Variants in HTR1F observed in about 807,000 individuals in gnomAD.
HTR1F encodes 5-hydroxytryptamine receptor 1F.
In HTR1F, 17 loss-of-function variants were observed where a neutral mutation model predicts 24.0. That is an observed-to-expected ratio of 0.71 (90% confidence interval 0.48 to 1.06). The LOEUF (loss-of-function observed/expected upper bound fraction) is 1.06, where lower values mean the gene tolerates loss of function less well. HTR1F is among the 50% of genes least tolerant of loss of function. The pLI is 0.00. For synonymous variants in HTR1F, 186 were observed against 156.8 expected (o/e 1.19, Z -1.39); for missense variants, 391 against 427.8 (o/e 0.91, Z 0.76).
intron 2 of HTR1F, among the ~76,000 whole-genome samples, chr3:87,955,697 C>A (rs1704928466): frequency 6.6e-6 from 1 of 151,364 alleles, no homozygotes. Flanking sequence ...CATATTTCCA[C>A]CAATGTAGGT....
chr3:87,902,789 C>G (rs1383305482), intron 2 of HTR1F, among the ~76,000 whole-genome samples: 1 of 141,562 alleles, frequency 7.1e-6, no homozygotes, highest in Non-Finnish European at 1.5e-5. Context: ...TGATGCTCCC[C>G]TTCCTGTGTC....
chr3:87,792,891 A>G (rs1703839034), intron 1 of HTR1F, among the ~76,000 whole-genome samples, 49 bp downstream of exon 1: 1 of 152,140 alleles, frequency 6.6e-6, no homozygotes, highest in African/African-American at 2.4e-5. Flanking sequence ...TCACGCCCGC[A>G]GCTGGCGCGC....
At chr3:87,946,058 C>A in intron 2 of HTR1F, among the ~76,000 whole-genome samples, 1 of 152,128 alleles carries the variant, frequency 6.6e-6, no homozygotes, top group South Asian at 2.1e-4. Context: ...GGAAGAGAAC[C>A]GTGGAACCCA....
chr3:87,970,440 G>A (rs1224621830), intron 2 of HTR1F, among the ~76,000 whole-genome samples: 1 of 152,152 alleles, frequency 6.6e-6, no homozygotes, highest in East Asian at 1.9e-4. Flanking sequence ...AAATTGCTGA[G>A]GTAGAGGAAA....
intron 2 of HTR1F, among the ~76,000 whole-genome samples, chr3:87,937,261 C>G (rs1471552271): frequency 6.6e-6 from 1 of 151,820 alleles, no homozygotes; most frequent in Non-Finnish European, 1.5e-5. Context: ...TCCAGCAACA[C>G]ATTAAACACC....
chr3:87,964,570 T>C (rs1273362519), intron 2 of HTR1F, among the ~76,000 whole-genome samples: 2 of 152,030 alleles, frequency 1.3e-5, no homozygotes, highest in Admixed American at 6.6e-5. Context: ...CAGAGTGCTA[T>C]TGAGTAAATT....
At chr3:87,801,443 G>A (rs1703987638) in intron 1 of HTR1F, among the ~76,000 whole-genome samples, 1 of 152,204 alleles carries the variant, frequency 6.6e-6, no homozygotes. Context: ...CACAGACTCA[G>A]GAAGTCCTGA....
At chr3:87,882,504 A>G (rs1456640627) in intron 2 of HTR1F, among the ~76,000 whole-genome samples, 1 of 152,070 alleles carries the variant, frequency 6.6e-6, no homozygotes, top group Non-Finnish European at 1.5e-5. Flanking sequence ...TGGCACATAT[A>G]CACCATGGAA....
intron 2 of HTR1F, among the ~76,000 whole-genome samples, chr3:87,922,691 A>T (rs1332235090): frequency 6.6e-6 from 1 of 151,892 alleles, no homozygotes; most frequent in Non-Finnish European, 1.5e-5. Context: ...TTTTGAGTTA[A>T]TTTTTATATA....
intron 2 of HTR1F, among the ~76,000 whole-genome samples, chr3:87,860,375 C>G (rs1358213826): frequency 6.6e-6 from 1 of 152,172 alleles, no homozygotes; most frequent in Non-Finnish European, 1.5e-5. Context: ...GCATAACATA[C>G]ACTGGATTGT....
At chr3:87,934,554 C>T (rs558495797) in intron 2 of HTR1F, among the ~76,000 whole-genome samples, 5 of 152,264 alleles carry the variant, frequency 3.3e-5, no homozygotes, top group African/African-American at 1.2e-4. Flanking sequence ...TTCTAAGGTG[C>T]TATTTAGGGT....
chr3:87,965,960 T>C (rs1387824426), intron 2 of HTR1F, among the ~76,000 whole-genome samples: 4 of 152,216 alleles, frequency 2.6e-5, no homozygotes, highest in Non-Finnish European at 5.9e-5. Context: ...TTTAGGGACT[T>C]CATATTATGT....
intron 2 of HTR1F, among the ~76,000 whole-genome samples, chr3:87,858,523 T>C (rs1705248924): frequency 6.6e-6 from 1 of 152,186 alleles, no homozygotes; most frequent in Non-Finnish European, 1.5e-5. Context: ...ATGTCCAACA[T>C]GAACTCTTTC....
chr3:87,923,942 G>T (rs1219311929), intron 2 of HTR1F, among the ~76,000 whole-genome samples: 1 of 151,928 alleles, frequency 6.6e-6, no homozygotes, highest in Non-Finnish European at 1.5e-5. Context: ...GAGGATATTG[G>T]CCTTTAGTTT....
intron 2 of HTR1F, among the ~76,000 whole-genome samples, chr3:87,977,239 T>C (rs1025494553): frequency 6.6e-5 from 10 of 152,060 alleles, no homozygotes; most frequent in Non-Finnish European, 1.5e-4. Context: ...ACCACAATCC[T>C]AAAGGTAGAG....
intron 2 of HTR1F, among the ~76,000 whole-genome samples, chr3:87,972,647 T>A (rs1705309797): frequency 6.6e-6 from 1 of 152,076 alleles, no homozygotes. Flanking sequence ...CTTCTAAACC[T>A]CCTTTTCTTG....
chr3:87,847,522 AT>A (rs1212865140), intron 2 of HTR1F, among the ~76,000 whole-genome samples: 1 of 151,726 alleles, frequency 6.6e-6, no homozygotes, highest in Admixed American at 6.6e-5. Flanking sequence ...GGTGTTTATT[AT>A]TTTTTTACAC....
At chr3:87,977,799 T>A (rs1378136446) in intron 2 of HTR1F, among the ~76,000 whole-genome samples, 7 of 152,076 alleles carry the variant, frequency 4.6e-5, no homozygotes, top group Admixed American at 1.3e-4. Context: ...TTTAAATGAA[T>A]TTTTCTTGAA....
intron 2 of HTR1F, among the ~76,000 whole-genome samples, chr3:87,834,931 A>G (rs778129521): frequency 2.0e-5 from 3 of 152,136 alleles, no homozygotes; most frequent in Non-Finnish European, 2.9e-5. Context: ...ATGGCCTGCA[A>G]AGTTGAAAAT....
Sources: allele counts gnomAD v4.1 joint callset (sites outside exome capture counted in the v4.1 genomes callset), GRCh38; gene constraint gnomAD v4.1.1; transcripts MANE v1.5; gene names NCBI Gene and HGNC (gene_info 2026-07-23, HGNC 2026-07-21).